TAF11: variants seen among roughly 807,000 people sequenced by gnomAD.
The protein encoded by TAF11 is transcription initiation factor TFIID subunit 11.
In TAF11, 10 loss-of-function variants were observed where a neutral mutation model predicts 23.0. That is an observed-to-expected ratio of 0.43 (90% CI 0.27 to 0.74). TAF11 has a LOEUF of 0.74. Ranked by LOEUF, TAF11 falls within the 30% of genes least tolerant of loss-of-function variation. TAF11 has a pLI of 0.19. For synonymous variants in TAF11, 85 were observed against 95.8 expected (o/e 0.89, Z 0.66); for missense variants, 196 against 261.7 (o/e 0.75, Z 1.73).
intron 1 of TAF11, among the ~76,000 whole-genome samples, chr6:34,885,752 T>C (rs779794391): frequency 2.0e-5 from 3 of 152,148 alleles, no homozygotes; most frequent in Non-Finnish European, 2.9e-5. Context: ...GGCAGGAGGA[T>C]TGCTTGAGCC....
At chr6:34,885,775 G>T (rs1341040801) in intron 1 of TAF11, among the ~76,000 whole-genome samples, 5 of 152,078 alleles carry the variant, frequency 3.3e-5, no homozygotes, top group Admixed American at 3.3e-4. Context: ...ACGAGTTGGA[G>T]ACCAGACTGG....
At chr6:34,881,987 C>T (rs1406034945) in intron 2 of TAF11, among the ~76,000 whole-genome samples, 9 of 151,276 alleles carry the variant, frequency 5.9e-5, no homozygotes, top group African/African-American at 1.5e-4. Context: ...TGTGAGCCAC[C>T]GATCTCGGCC....
chr6:34,885,907 G>A (rs1179706871), intron 1 of TAF11, among the ~76,000 whole-genome samples: 1 of 152,180 alleles, frequency 6.6e-6, no homozygotes, highest in African/African-American at 2.4e-5. Flanking sequence ...GGATCATGAG[G>A]TCAGGAGTTC....
chr6:34,880,875 C>A lies in TAF11; in HGVS notation c.321-499G>T, dbSNP rs551925426. Among the ~76,000 whole-genome samples the A allele has an allele frequency of 2.6e-5, 4 of 152,136 alleles. No individual in the cohort carries two copies. Among genetic ancestry groups the A allele is most frequent in the Admixed American group, 1.3e-4 (2 of 15,262 alleles). ...CATGAACAGGAAATTTACCAAAATA[C>A]CAATGGTCAATCAACATGGGGGAAA... On this transcript the variant is annotated intron_variant, in intron 2 of 4. Transcript: ENST00000361288. The surrounding 1 kb of genome is among the most constrained non-coding windows in gnomAD (Gnocchi z 4.8).
rs925322590 is a variant in TAF11 at position 34,880,334 on chromosome 6, A to G, written c.363T>C (p.Tyr121=). The change falls in exon 3 of 5, where the codon TAT becomes TAC. Residue 121 remains tyrosine, a synonymous_variant. Coordinates refer to ENST00000361288, the MANE Select transcript of TAF11 (RefSeq NM_005643.4). The surrounding 1 kb of genome is among the most constrained non-coding windows in gnomAD (Gnocchi z 4.8). ...SSFSEEQLNR[Y]EMYRRSAFPK... ...GGAAAGCTGAGCGGCGATACATTTC[A>G]TAACGGTTCAGCTGCTCCTCAGAAA... 1.2e-6 allele frequency: 2 copies of G among 1,614,054 alleles called. No individual in the cohort carries two copies. The highest frequency in any genetic ancestry group is 1.7e-5 in the Admixed American group (1 of 59,994).
intron 1 of TAF11, 83 bp from the exon 2 acceptor site, chr6:34,883,163 A>G: frequency 3.6e-6 from 5 of 1,401,726 alleles, no homozygotes; most frequent in Non-Finnish European, 4.9e-6. Context: ...TCCTTATCAC[A>G]AAACAACAAA....
chr6:34,886,476 T>C (rs1224893309), intron 1 of TAF11, among the ~76,000 whole-genome samples: 1 of 150,402 alleles, frequency 6.6e-6, no homozygotes, highest in African/African-American at 2.4e-5. Context: ...TTTCTTTTCT[T>C]TTTTTTTTTC....
Position 34,878,618 on chromosome 6 carries a change from G to T in TAF11, c.608C>A (p.Ser203Ter). The change falls in exon 5 of 5, where the codon TCG (serine) becomes TAG (stop). Residue 203 changes from serine to a stop codon, truncating the protein, a stop_gained. Transcript: ENST00000361288. LOFTEE classifies it high-confidence loss of function. ...GAAGAAGATGATTTTTTTGTGCTTCGAGTTAGGGATCTGTCCTTTTGACTT... is the reference window on the plus strand; with the variant it reads ...GAAGAAGATGATTTTTTTGTGCTTCTAGTTAGGGATCTGTCCTTTTGACTT... ...RLKSKGQIPN[S>*]KHKKIIFF 1.2e-6 allele frequency: 2 copies of T among 1,606,036 alleles called. No individual in the cohort carries two copies. Among genetic ancestry groups the T allele is most frequent in the Non-Finnish European group, 1.7e-6 (2 of 1,172,734 alleles).
intron 2 of TAF11, among the ~76,000 whole-genome samples, chr6:34,882,658 TA>T (rs1187199599): frequency 1.6e-4 from 23 of 144,374 alleles, no homozygotes; most frequent in South Asian, 4.4e-4. Context: ...AAATAAAAAA[TA>T]AAAAAAAAAA....
chr6:34,884,520 C>G (rs1280020954), intron 1 of TAF11, among the ~76,000 whole-genome samples: 1 of 152,166 alleles, frequency 6.6e-6, no homozygotes, highest in Non-Finnish European at 1.5e-5. Flanking sequence ...ATCTATACAA[C>G]AAACCCCTAT....
intron 4 of TAF11, chr6:34,879,387 T>A (rs1160727944): frequency 5.2e-6 from 5 of 965,170 alleles, no homozygotes; most frequent in Non-Finnish European, 4.9e-6. Flanking sequence ...TTGTGATTTG[T>A]AAAAGGAAAA....
Position 34,879,733 on chromosome 6 carries a change from T to C in TAF11, c.505+234A>G. 3.0e-6 allele frequency: 3 copies of C among 985,410 alleles called. No individual in the cohort carries two copies. In the South Asian group the frequency reaches 1.4e-4, roughly 46 times the overall value. The allele number at this position is 985,410 out of a possible 1,614,324, so 61.0% of individuals were successfully genotyped here. ...AATACAAAGTCTACTTCTTTCACCC[T>C]GGGCTGAGGAAAGGAATCAGGGAGG... On this transcript the variant is annotated intron_variant, in intron 4 of 4. Transcript: ENST00000361288.
intron 4 of TAF11, chr6:34,879,664 A>T: frequency 1.0e-6 from 1 of 985,360 alleles, no homozygotes; most frequent in Non-Finnish European, 1.2e-6. Context: ...CTTTTCTTGT[A>T]TCTTTACTTT....
At chr6:34,886,410 C>CA (rs201715300) in intron 1 of TAF11, among the ~76,000 whole-genome samples, 1 of 151,612 alleles carries the variant, frequency 6.6e-6, no homozygotes, top group African/African-American at 2.4e-5. Flanking sequence ...AAAAAACAAA[C>CA]AAAAAACCTG....
chr6:34,883,197 G>C, intron 1 of TAF11, 117 bp from the exon 2 acceptor site: 1 of 1,035,146 alleles, frequency 9.7e-7, no homozygotes, highest in Non-Finnish European at 1.4e-6. Context: ...TAGTTTTTCA[G>C]TTCTAGGCAC....
intron 1 of TAF11, among the ~76,000 whole-genome samples, chr6:34,886,063 G>A (rs1310315685): frequency 6.6e-6 from 1 of 152,236 alleles, no homozygotes; most frequent in Admixed American, 6.5e-5. Flanking sequence ...GAGAGGCGGA[G>A]GTTGCAGTGA....
At chr6:34,884,902 T>G (rs537435775) in intron 1 of TAF11, among the ~76,000 whole-genome samples, 240 of 152,346 alleles carry the variant, frequency 1.6e-3, no homozygotes, top group Non-Finnish European at 3.1e-3. Context: ...GGCCTAAACT[T>G]GAACATTAAA....
At chr6:34,884,543 C>T (rs1766497875) in intron 1 of TAF11, among the ~76,000 whole-genome samples, 1 of 152,172 alleles carries the variant, frequency 6.6e-6, no homozygotes, top group Non-Finnish European at 1.5e-5. Context: ...CACACATTTA[C>T]TTATGTAACA....
intron 1 of TAF11, among the ~76,000 whole-genome samples, chr6:34,887,320 A>C (rs767107517): frequency 2.6e-5 from 4 of 152,074 alleles, no homozygotes; most frequent in Non-Finnish European, 5.9e-5. Flanking sequence ...AAAAGTCTAT[A>C]TCGATATAGA....
Sources: allele counts gnomAD v4.1 joint callset (sites outside exome capture counted in the v4.1 genomes callset), GRCh38; gene constraint gnomAD v4.1.1; non-coding constraint Gnocchi (gnomAD v3.1); transcripts MANE v1.5; gene names NCBI Gene and HGNC (gene_info 2026-07-23, HGNC 2026-07-21).